Variants in KIFAP3 observed in about 807,000 individuals in gnomAD.
KIFAP3 encodes the protein kinesin associated protein 3, also known as kinesin-associated protein 3.
A neutral mutation model predicts 106.5 loss-of-function variants in KIFAP3; 68 were observed. The observed-to-expected ratio is 0.64, with a 90% CI of 0.53 to 0.78. The LOEUF is 0.78. Among genes scored for constraint, KIFAP3 ranks in the 30% least tolerant of loss-of-function variants. KIFAP3 has a pLI of 0.00. For synonymous variants in KIFAP3, 320 were observed against 311.5 expected (o/e 1.03, Z -0.29); for missense variants, 780 against 941.8 (o/e 0.83, Z 2.25).
At chr1:170,063,063 C>G (rs1386831259) in intron 1 of KIFAP3, among the ~76,000 whole-genome samples, 1 of 152,092 alleles carries the variant, frequency 6.6e-6, no homozygotes, top group Non-Finnish European at 1.5e-5. Context: ...CCAAAACTAG[C>G]CTTGAAACCA....
In KIFAP3 at chr1:169,921,773, A is replaced by G; in HGVS notation, c.2282T>C (p.Met761Thr). 6.2e-7 allele frequency: 1 copy of G among 1,613,456 alleles called. No individual in the cohort carries two copies. Among genetic ancestry groups the G allele is most frequent in the South Asian group, 1.1e-5 (1 of 91,064 alleles). The change falls in exon 20 of 20, where the codon ATG (methionine) becomes ACG (threonine). Residue 761 changes from methionine (M) to threonine (T), a missense_variant. Physicochemically the swap from Met to Thr is moderately conservative, Grantham distance 81. This residue lies in a region of KIFAP3 where 114 missense variants were observed against 122.3 expected (regional missense o/e 0.93). Transcript: ENST00000361580. Reference sequence around the variant, plus strand: ...GCCAACTGGTTGGCCAAAGCCATCCATTCCAAGGCTAAAAAAGAAAAAAAA... The same window carrying G: ...GCCAACTGGTTGGCCAAAGCCATCCGTTCCAAGGCTAAAAAAGAAAAAAAA... Reference protein sequence around the residue: ...GQHSFPGSLGMDGFGQPVGIL... With the variant: ...GQHSFPGSLGTDGFGQPVGIL...
intron 10 of KIFAP3, among the ~76,000 whole-genome samples, chr1:170,007,394 G>A (rs1668019506): frequency 6.6e-6 from 1 of 152,042 alleles, no homozygotes; most frequent in Non-Finnish European, 1.5e-5. Context: ...ATATGAAAGG[G>A]AAGAGGGAAA....
chr1:169,945,190 C>T lies in KIFAP3; in HGVS notation c.2273+8821G>A, dbSNP rs1477204645. 3.9e-5 allele frequency among the ~76,000 whole-genome samples: 6 copies of T among 152,174 alleles called. No homozygotes were observed. The South Asian group carries it at 6.2e-4, about 16-fold the overall frequency. ...CAGTACCGCCCCAAGTGCAGGCACA[C>T]CCAGCCAGGTCATGACAGTGCCTGG... is the stretch of plus-strand genomic sequence containing the variant. On this transcript the variant is annotated intron_variant, in intron 19 of 19. Coordinates refer to ENST00000361580, the MANE Select transcript of KIFAP3 (RefSeq NM_014970.4).
intron 7 of KIFAP3, among the ~76,000 whole-genome samples, chr1:170,032,867 C>T (rs1214247819): frequency 6.6e-6 from 1 of 151,602 alleles, no homozygotes; most frequent in East Asian, 1.9e-4. Flanking sequence ...GCATATGTTC[C>T]TCTCCTCGCA....
intron 2 of KIFAP3, among the ~76,000 whole-genome samples, chr1:170,049,046 T>C (rs1478447470): frequency 2.6e-5 from 4 of 152,186 alleles, no homozygotes; most frequent in African/African-American, 2.4e-5. Flanking sequence ...GTCCCACTCT[T>C]ATGGAGCCCA....
intron 17 of KIFAP3, among the ~76,000 whole-genome samples, chr1:169,965,027 T>C (rs1171921939): frequency 6.6e-6 from 1 of 152,140 alleles, no homozygotes. Flanking sequence ...AGACATTTAA[T>C]ACATTAAAAA....
intron 19 of KIFAP3, among the ~76,000 whole-genome samples, chr1:169,926,682 TAC>T (rs60885577): frequency 1.6e-4 from 8 of 50,668 alleles, no homozygotes; most frequent in Middle Eastern, 6.5e-3. Context: ...GTTGTGTGTG[TAC>T]ACACACACAC....
intron 1 of KIFAP3, among the ~76,000 whole-genome samples, chr1:170,070,349 T>C (rs1671643532): frequency 6.6e-6 from 1 of 152,052 alleles, no homozygotes; most frequent in Non-Finnish European, 1.5e-5. Flanking sequence ...TGAAACAACC[T>C]TGAAAAAGAA....
At chr1:169,946,710 AAG>A (rs1181784784) in intron 19 of KIFAP3, among the ~76,000 whole-genome samples, 4 of 152,042 alleles carry the variant, frequency 2.6e-5, no homozygotes, top group Non-Finnish European at 5.9e-5. Context: ...ATTTAAATGC[AAG>A]ATAAATGTAA....
rs144592440 is a variant in KIFAP3 at position 170,018,058 on chromosome 1, T to A, written c.1021-1434A>T. 3.5e-4 allele frequency among the ~76,000 whole-genome samples: 53 copies of A among 152,352 alleles called. No homozygotes were observed. The East Asian group carries it at 8.3e-3, about 24-fold the overall frequency. ...CTGCTATCTGTTTTCATTCAACCTA[T>A]GAGCTAAGAATGGCTTTTGACTTTT... On this transcript the variant is annotated intron_variant, in intron 9 of 19. Coordinates refer to ENST00000361580, the MANE Select transcript of KIFAP3 (RefSeq NM_014970.4).
intron 10 of KIFAP3, among the ~76,000 whole-genome samples, chr1:169,996,403 C>A (rs994471296): frequency 1.3e-5 from 2 of 152,132 alleles, no homozygotes; most frequent in Admixed American, 6.6e-5. Flanking sequence ...CTTTCTTATA[C>A]CACAATTCTC....
chr1:169,928,895 C>CA (rs1365653121), intron 19 of KIFAP3, among the ~76,000 whole-genome samples: 1 of 151,904 alleles, frequency 6.6e-6, no homozygotes, highest in Non-Finnish European at 1.5e-5. Context: ...GAGATGAAAT[C>CA]AGATTGTAGA....
chr1:170,008,790 A>G (rs1231111726), intron 10 of KIFAP3, among the ~76,000 whole-genome samples: 2 of 152,248 alleles, frequency 1.3e-5, no homozygotes, highest in Non-Finnish European at 2.9e-5. Context: ...AGGATTATAA[A>G]TCATGCTAGT....
intron 19 of KIFAP3, among the ~76,000 whole-genome samples, chr1:169,948,471 T>C (rs887108337): frequency 1.8e-4 from 27 of 151,898 alleles, no homozygotes; most frequent in Non-Finnish European, 3.5e-4. Flanking sequence ...TTTTAGTCAA[T>C]GATTATTTTA....
intron 3 of KIFAP3, among the ~76,000 whole-genome samples, chr1:170,045,235 T>G (rs1670182812): frequency 6.6e-6 from 1 of 152,134 alleles, no homozygotes; most frequent in Non-Finnish European, 1.5e-5. Flanking sequence ...TTCTTTATAG[T>G]GTTCCTCACC....
At chr1:170,076,717 A>G (rs1671924855), upstream of KIFAP3, among the ~76,000 whole-genome samples, 1 of 152,238 alleles carries the variant, frequency 6.6e-6, no homozygotes, top group Non-Finnish European at 1.5e-5. Flanking sequence ...CCTGGTAGGA[A>G]TGGAGAAAAA....
chr1:169,978,962 T>C (rs935662168), intron 15 of KIFAP3, among the ~76,000 whole-genome samples: 1 of 152,138 alleles, frequency 6.6e-6, no homozygotes, highest in Non-Finnish European at 1.5e-5. Flanking sequence ...TTTCTCACTA[T>C]TAATTACTAT....
intron 11 of KIFAP3, among the ~76,000 whole-genome samples, chr1:169,990,652 G>A (rs904636166): frequency 6.6e-6 from 1 of 152,000 alleles, no homozygotes; most frequent in Non-Finnish European, 1.5e-5. Context: ...GTGATCCTAT[G>A]AATGTTAATT....
chr1:170,041,111 C>G (rs1163056819), intron 3 of KIFAP3, among the ~76,000 whole-genome samples: 1 of 152,138 alleles, frequency 6.6e-6, no homozygotes, highest in Non-Finnish European at 1.5e-5. Flanking sequence ...GCGTGAGCCA[C>G]CACACCCAGC....
Sources: gnomAD v4.1 joint callset for allele counts (sites outside exome capture counted in the v4.1 genomes callset) on GRCh38, gnomAD v4.1.1 for gene constraint, gnomAD v4.1.1 regional missense constraint, MANE v1.5 for transcripts, NCBI Gene and HGNC (gene_info 2026-07-23, HGNC 2026-07-21) for gene names.